RNLS: variants seen among roughly 807,000 people sequenced by gnomAD.
RNLS encodes the protein renalase.
RNLS carries 39 observed loss-of-function variants against 39.8 expected under a neutral mutation model. That is an observed-to-expected ratio of 0.98 (90% confidence interval 0.76 to 1.28). RNLS has a LOEUF of 1.28. Among genes scored for constraint, RNLS ranks in the 50% most tolerant of loss-of-function variants. RNLS has a pLI of 0.00. For synonymous variants in RNLS, 147 were observed against 150.7 expected, an observed-to-expected ratio of 0.98 and a Z score of 0.18; for missense variants, 410 against 413.3, an observed-to-expected ratio of 0.99 and a Z score of 0.07.
At chr10:88,524,319 C>A (rs1398444588) in intron 4 of RNLS, among the ~76,000 whole-genome samples, 2 of 152,062 alleles carry the variant, frequency 1.3e-5, no homozygotes, top group Admixed American at 1.3e-4. Context: ...TATTTGGAGC[C>A]CAATTCAGCA....
intron 4 of RNLS, among the ~76,000 whole-genome samples, chr10:88,490,126 T>C (rs1311552225): frequency 6.6e-6 from 1 of 152,206 alleles, no homozygotes; most frequent in Non-Finnish European, 1.5e-5. Flanking sequence ...GTTCACTTAA[T>C]AGTAATCCAA....
intron 4 of RNLS, among the ~76,000 whole-genome samples, chr10:88,390,608 G>T (rs1318506726): frequency 6.6e-6 from 1 of 151,756 alleles, no homozygotes; most frequent in Non-Finnish European, 1.5e-5. Context: ...GTGCACCTCA[G>T]ATTTTAAAAA....
At chr10:88,195,791 A>G in the RNLS span, among the ~76,000 whole-genome samples, 2 of 152,198 alleles carry the variant, frequency 1.3e-5, no homozygotes, top group Non-Finnish European at 1.5e-5. Flanking sequence ...TTTCATTGGA[A>G]CCATCTCCCT....
the RNLS span, among the ~76,000 whole-genome samples, chr10:88,196,477 A>G: frequency 5.3e-5 from 8 of 152,188 alleles, no homozygotes; most frequent in African/African-American, 1.9e-4. Context: ...GTGATATTGC[A>G]GTCCCTCCCA....
chr10:88,172,683 A>C, the RNLS span, among the ~76,000 whole-genome samples: 1 of 151,440 alleles, frequency 6.6e-6, no homozygotes, highest in Non-Finnish European at 1.5e-5. Context: ...AGAGTGATAT[A>C]GTCCCATTTA....
intron 5 of RNLS, among the ~76,000 whole-genome samples, chr10:88,322,255 A>G (rs768747887): frequency 6.6e-6 from 1 of 152,206 alleles, no homozygotes; most frequent in African/African-American, 2.4e-5. Context: ...AAAACCCTCC[A>G]ACGAACTAGG....
chr10:88,463,515 A>G (rs1469489429), intron 4 of RNLS, among the ~76,000 whole-genome samples: 1 of 152,026 alleles, frequency 6.6e-6, no homozygotes, highest in Non-Finnish European at 1.5e-5. Flanking sequence ...GTACTTTGTT[A>G]CAGCATCCCT....
chr10:88,235,778 T>C, the RNLS span, among the ~76,000 whole-genome samples: 1 of 151,706 alleles, frequency 6.6e-6, no homozygotes, highest in South Asian at 2.1e-4. Flanking sequence ...TTTTCATATA[T>C]ATATATAGAC....
chr10:88,285,265 T>C lies in RNLS; in HGVS notation c.*89A>G. 2 of 1,414,324 alleles carry C rather than the reference T, an allele frequency of 1.4e-6. No individual in the cohort carries two copies. Among genetic ancestry groups the C allele is most frequent in the South Asian group, 3.5e-5 (2 of 56,972 alleles). 87.6% of individuals were successfully genotyped at this position (1,414,324 alleles called of 1,614,324 possible). A position where few individuals can be genotyped will look rare whatever the true frequency, so the allele number is the denominator to read the frequency against. Reference sequence around the variant, plus strand: ...TGAAGAACAATTTTCCAGTAATTTTTCTTAGCAAAATAGAAAACAAAATAA... The same window carrying C: ...TGAAGAACAATTTTCCAGTAATTTTCCTTAGCAAAATAGAAAACAAAATAA... On this transcript the variant is annotated 3_prime_UTR_variant, in exon 7 of 7. Coordinates refer to ENST00000331772, the MANE Select transcript of RNLS (RefSeq NM_001031709.3).
chr10:88,458,638 T>C (rs1345627619), intron 4 of RNLS, among the ~76,000 whole-genome samples: 3 of 152,166 alleles, frequency 2.0e-5, no homozygotes, highest in East Asian at 3.8e-4. Context: ...CAGTATGCTA[T>C]CAGCTCTGAA....
At chr10:88,193,435 C>T in the RNLS span, among the ~76,000 whole-genome samples, 1 of 152,110 alleles carries the variant, frequency 6.6e-6, no homozygotes, top group Admixed American at 6.6e-5. Flanking sequence ...TTCTCTCCCT[C>T]ACATACCAAT....
the RNLS span, among the ~76,000 whole-genome samples, chr10:88,257,436 C>T: frequency 2.6e-5 from 4 of 152,112 alleles, no homozygotes; most frequent in Admixed American, 6.5e-5. Context: ...TAAAGGCATC[C>T]TTAGAGACCA....
At chr10:88,409,581 G>A (rs1233623624) in intron 4 of RNLS, among the ~76,000 whole-genome samples, 2 of 152,066 alleles carry the variant, frequency 1.3e-5, no homozygotes, top group African/African-American at 4.8e-5. Context: ...ATTTGAAAAT[G>A]TATGTTACTT....
At chr10:88,552,484 T>C (rs142660468) in intron 4 of RNLS, among the ~76,000 whole-genome samples, 1 of 152,200 alleles carries the variant, frequency 6.6e-6, no homozygotes, top group Admixed American at 6.5e-5. Context: ...CAATAAGGAA[T>C]CACATTTGCT....
chr10:88,422,422 T>C (rs1215090528), intron 4 of RNLS, among the ~76,000 whole-genome samples: 1 of 152,220 alleles, frequency 6.6e-6, no homozygotes, highest in Non-Finnish European at 1.5e-5. Context: ...ATTTCAGTAT[T>C]TCCTTGAAGG....
In RNLS at chr10:88,492,614, T is replaced by A. The variant is rs186867637; in HGVS notation, c.526+80289A>T. ...TTGTATTTTCTGTAGAGACGGAGATTCTCTCTGTTGGCCAGGCTGGTCTCA... is the reference window on the plus strand; with the variant it reads ...TTGTATTTTCTGTAGAGACGGAGATACTCTCTGTTGGCCAGGCTGGTCTCA... On this transcript the variant is annotated intron_variant, in intron 4 of 6. Transcript: ENST00000331772. Among the ~76,000 whole-genome samples the A allele has an allele frequency of 2.1e-3, 316 of 152,022 alleles. 2 individuals carry two copies. The highest frequency in any genetic ancestry group is 3.9e-3 in the Admixed American group (60 of 15,246).
chr10:88,444,931 A>C (rs534592986), intron 4 of RNLS, among the ~76,000 whole-genome samples: 1 of 152,348 alleles, frequency 6.6e-6, no homozygotes, highest in South Asian at 2.1e-4. Context: ...CCAACCTAGC[A>C]AGGCAGGCCA....
At chr10:88,287,075 C>T (rs1843326318) in intron 6 of RNLS, among the ~76,000 whole-genome samples, 1 of 152,110 alleles carries the variant, frequency 6.6e-6, no homozygotes, top group Admixed American at 6.6e-5. Context: ...AGGCATAAGC[C>T]ACCATGCCTG....
At chr10:88,256,281 G>A in the RNLS span, among the ~76,000 whole-genome samples, 1 of 152,128 alleles carries the variant, frequency 6.6e-6, no homozygotes, top group Admixed American at 6.5e-5. Context: ...CGTACCACCC[G>A]CCTGTCTCAT....
Sources: allele counts gnomAD v4.1 joint callset (sites outside exome capture counted in the v4.1 genomes callset), GRCh38; gene constraint gnomAD v4.1.1; transcripts MANE v1.5; gene names NCBI Gene and HGNC (gene_info 2026-07-23, HGNC 2026-07-21).